Variants in PTCD3 observed in about 807,000 individuals in gnomAD.
PTCD3 encodes pentatricopeptide repeat domain 3.
A neutral mutation model predicts 101.9 loss-of-function variants in PTCD3; 89 were observed. The observed-to-expected ratio is 0.87, with a 90% CI of 0.74 to 1.04. The LOEUF is 1.04. Among genes scored for constraint, PTCD3 ranks in the 50% least tolerant of loss-of-function variants. PTCD3 has a pLI of 0.00. For synonymous variants in PTCD3, 296 were observed against 278.5 expected, an observed-to-expected ratio of 1.06 and a Z score of -0.63; for missense variants, 870 against 828.2, an observed-to-expected ratio of 1.05 and a Z score of -0.62.
At chr2:86,107,930 C>G (rs1228301968) in intron 1 of PTCD3, among the ~76,000 whole-genome samples, 1 of 152,106 alleles carries the variant, frequency 6.6e-6, no homozygotes, top group Non-Finnish European at 1.5e-5. Context: ...ACTTTCCTCC[C>G]TCTCTGCCAT....
At position 86,140,429 on chromosome 2, in the gene PTCD3, C is replaced by T. The variant is rs184027221; in HGVS notation, c.*2870C>T. The T allele has an allele frequency of 1.3e-5, 2 of 152,234 alleles. No homozygotes were observed. The highest frequency in any genetic ancestry group is 1.9e-4 in the East Asian group (1 of 5,178). The allele number at this position is 152,234 out of a possible 1,614,324, so 9.4% of individuals were successfully genotyped here. ...AATTTTTTAATGAAATGCATTAGAA[C>T]ATCTAAGCACGTCACCTACAGTTTT... is the stretch of plus-strand genomic sequence containing the variant. On this transcript the variant is annotated 3_prime_UTR_variant, in exon 24 of 24. Coordinates refer to ENST00000254630, the MANE Select transcript of PTCD3 (RefSeq NM_017952.6).
Position 86,106,347 on chromosome 2 carries a change from T to G in PTCD3, c.100T>G (p.Cys34Gly). 2.5e-6 allele frequency: 4 copies of G among 1,613,934 alleles called. No homozygotes were observed. Among genetic ancestry groups the G allele is most frequent in the Non-Finnish European group, 3.4e-6 (4 of 1,179,948 alleles). The change falls in exon 1 of 24, where the codon TGC becomes GGC. Residue 34 changes from cysteine to glycine, a missense_variant. By Grantham distance (159) the Cys-to-Gly change is radical (BLOSUM62 -3). Transcript: ENST00000254630. ...RAGLCEQARS[C>G]RFYSGSATLS... is the part of the protein sequence containing the mutation. ...GGGTTTGTGTGAACAGGCACGCAGC[T>G]GCAGGTAAGAGACGCTTAGGGTATC...
rs575885485 is a variant in PTCD3 at position 86,109,528 on chromosome 2, G to T, written c.194+992G>T. Among the ~76,000 whole-genome samples the T allele has an allele frequency of 6.6e-5, 10 of 152,308 alleles. No individual in the cohort carries two copies. In the South Asian group the frequency reaches 2.1e-3, roughly 32 times the overall value. ...GTGATGTCAATGCATAGGTAACTGG[G>T]ATCATAAAAGAAGTGCAAATTAAAA... On this transcript the variant is annotated intron_variant, in intron 3 of 23. Transcript: ENST00000254630.
chr2:86,134,882 C>T lies in PTCD3; in HGVS notation c.1673C>T (p.Ala558Val), dbSNP rs766113902. 13 of 1,613,980 alleles carry T rather than the reference C, an allele frequency of 8.1e-6. No homozygotes were observed. Among genetic ancestry groups the T allele is most frequent in the African/African-American group, 2.7e-5 (2 of 74,890 alleles). ...GACTGTGCTGCTGATATCAAATCTGCGTATGAAAGCCAACCCATCAGACAG... is the reference window on the plus strand; with the variant it reads ...GACTGTGCTGCTGATATCAAATCTGTGTATGAAAGCCAACCCATCAGACAG... The part of the protein sequence containing the change: ...FADCAADIKS[A>V]YESQPIRQTA... The change falls in exon 21 of 24, where the codon GCG (alanine) becomes GTG (valine). Residue 558 changes from alanine to valine, a missense_variant. Transcript: ENST00000254630.
chr2:86,137,369 G>T, intron 23 of PTCD3, 100 bp from the exon 24 acceptor site: 1 of 1,504,442 alleles, frequency 6.6e-7, no homozygotes, highest in Admixed American at 2.3e-5. Flanking sequence ...CCCTTTTTCT[G>T]ATTTCAAAAC....
At chr2:86,121,054 ATT>A (rs1475855632) in intron 7 of PTCD3, among the ~76,000 whole-genome samples, 1 of 152,180 alleles carries the variant, frequency 6.6e-6, no homozygotes, top group Non-Finnish European at 1.5e-5. Flanking sequence ...TTATGCTAGT[ATT>A]TCTAGGCAAG....
At chr2:86,135,929 ATG>A (rs747791932) in intron 21 of PTCD3, 3 of 518,998 alleles carry the variant, frequency 5.8e-6, no homozygotes, top group South Asian at 4.2e-5. Context: ...AGCTGAATGT[ATG>A]TGTTTCTCCT....
chr2:86,123,813 G>T, intron 9 of PTCD3, 51 bp downstream of exon 9: 1 of 1,217,158 alleles, frequency 8.2e-7, no homozygotes, highest in Non-Finnish European at 1.1e-6. Flanking sequence ...ACAGTGCATG[G>T]AATATGCCCC....
At position 86,140,154 on chromosome 2, in the gene PTCD3, CCT is replaced by C. The variant is rs1291432286; in HGVS notation, c.*2596_*2597del. 6.6e-6 allele frequency: 1 copy of C among 151,338 alleles called. No homozygotes were observed. The allele number at this position is 151,338 out of a possible 1,614,324, so 9.4% of individuals were successfully genotyped here. On this transcript the variant is annotated 3_prime_UTR_variant, in exon 24 of 24. Transcript: ENST00000254630. Reference sequence around the variant, plus strand: ...CTACTAAAAGTAGGGCATATGACCGCCTAAGAAACAGAACTTCGAGAAGTCCT... The same window carrying C: ...CTACTAAAAGTAGGGCATATGACCGCAAGAAACAGAACTTCGAGAAGTCCT...
At chr2:86,110,861 A>G (rs1674065107) in intron 3 of PTCD3, 1 of 705,748 alleles carries the variant, frequency 1.4e-6, no homozygotes, top group African/African-American at 1.8e-5. Context: ...CGGGATGGAA[A>G]TCACTAGCCC....
intron 10 of PTCD3, among the ~76,000 whole-genome samples, 183 bp from the exon 11 acceptor site, chr2:86,125,272 C>G (rs1249710951): frequency 6.6e-6 from 1 of 152,034 alleles, no homozygotes; most frequent in Non-Finnish European, 1.5e-5. Context: ...TCAGTTGTGA[C>G]AAATAAAAAT....
Position 86,137,529 on chromosome 2 carries a change from C to T in PTCD3, c.2040C>T (p.Asp680=), listed in dbSNP as rs1308270708. 3 of 1,613,888 alleles carry T rather than the reference C, an allele frequency of 1.9e-6. No individual in the cohort carries two copies. Among genetic ancestry groups the T allele is most frequent in the South Asian group, 2.2e-5 (2 of 91,072 alleles). The change falls in exon 24 of 24, where the codon GAC becomes GAT. Residue 680 remains aspartate, a synonymous_variant. Coordinates refer to ENST00000254630, the MANE Select transcript of PTCD3 (RefSeq NM_017952.6). The part of the protein sequence containing the change: ...TSDSDTDSSS[D]SDSDTSEGK ...ACAGTGATACTGACAGCAGCAGTGA[C>T]AGCGACAGTGACACCAGTGAAGGCA...
intron 4 of PTCD3, among the ~76,000 whole-genome samples, chr2:86,115,297 G>C (rs770867232): frequency 6.6e-6 from 1 of 152,112 alleles, no homozygotes; most frequent in Admixed American, 6.6e-5. Context: ...GGTTATTGTC[G>C]TCTTACAAGT....
chr2:86,109,568 A>G (rs897723147), intron 3 of PTCD3, among the ~76,000 whole-genome samples: 2 of 152,256 alleles, frequency 1.3e-5, no homozygotes, highest in Non-Finnish European at 2.9e-5. Context: ...CCGTATTGGC[A>G]GAGAGAGGAT....
At chr2:86,114,014 A>C (rs1249485749) in intron 4 of PTCD3, among the ~76,000 whole-genome samples, 1 of 149,688 alleles carries the variant, frequency 6.7e-6, no homozygotes, top group African/African-American at 2.6e-5. Flanking sequence ...AGATATTCTC[A>C]ACATTTCAAT....
chr2:86,135,108 G>A, intron 21 of PTCD3, 121 bp downstream of exon 21: 1 of 1,224,860 alleles, frequency 8.2e-7, no homozygotes. Context: ...TCGGGAACTT[G>A]CAAATACCAA....
Position 86,137,517 on chromosome 2 carries a change from C to T in PTCD3, c.2028C>T (p.Asp676=). 6.2e-7 allele frequency: 1 copy of T among 1,613,284 alleles called. No homozygotes were observed. Among genetic ancestry groups the T allele is most frequent in the Non-Finnish European group, 8.5e-7 (1 of 1,179,836 alleles). The change falls in exon 24 of 24, where the codon GAC becomes GAT. Residue 676 remains aspartate, a synonymous_variant. Transcript: ENST00000254630. ...LTALTSDSDT[D]SSSDSDSDTS... ...CATTGACCAGTGACAGTGATACTGACAGCAGCAGTGACAGCGACAGTGACA... is the reference window on the plus strand; with the variant it reads ...CATTGACCAGTGACAGTGATACTGATAGCAGCAGTGACAGCGACAGTGACA...
At chr2:86,119,123 GTAAGAGT>G in intron 7 of PTCD3, 79 bp downstream of exon 7, 1 of 1,545,488 alleles carries the variant, frequency 6.5e-7, no homozygotes, top group Non-Finnish European at 8.8e-7. Flanking sequence ...TATATTTTGA[GTAAGAGT>G]TACAGGTCCT....
Position 86,132,350 on chromosome 2 carries a change from C to G in PTCD3, c.1299C>G (p.Tyr433Ter), listed in dbSNP as rs1175188013. 6.2e-7 allele frequency: 1 copy of G among 1,607,926 alleles called. No homozygotes were observed. Residue 433 changes from tyrosine (Y) to a stop codon, truncating the protein, a stop_gained, in exon 17 of 24, where the codon TAC becomes TAG. Transcript: ENST00000254630. LOFTEE classifies it high-confidence loss of function. Reference sequence around the variant, plus strand: ...CTCTCAGAGATCTAGAACTTGCCTACCAAGTACATGGCCTTTTAAAAACCG... The same window carrying G: ...CTCTCAGAGATCTAGAACTTGCCTAGCAAGTACATGGCCTTTTAAAAACCG... ...CSSLRDLELAYQVHGLLKTGD... is the reference protein window; with the variant it reads ...CSSLRDLELA
Sources: allele counts gnomAD v4.1 joint callset (sites outside exome capture counted in the v4.1 genomes callset), GRCh38; gene constraint gnomAD v4.1.1; transcripts MANE v1.5; gene names NCBI Gene and HGNC (gene_info 2026-07-23, HGNC 2026-07-21).